The following ESR2 variants were observed in gnomAD, a reference collection of about 807,000 sequenced individuals.
The protein encoded by ESR2 is estrogen receptor beta.
A neutral mutation model predicts 49.6 loss-of-function variants in ESR2; 36 were observed. The ratio of observed to expected loss-of-function variants is 0.73; its 90% CI spans 0.56 to 0.96. ESR2 has a LOEUF of 0.96. ESR2 is among the 40% of genes least tolerant of loss of function. ESR2 has a pLI of 0.00. For missense variants in ESR2, 714 were observed against 693.0 expected (o/e 1.03, Z -0.34); for synonymous variants, 320 against 266.1 (o/e 1.20, Z -1.97).
intron 1 of ESR2, among the ~76,000 whole-genome samples, chr14:64,335,145 T>C (rs1454922947): frequency 1.3e-5 from 2 of 152,200 alleles, no homozygotes; most frequent in Non-Finnish European, 2.9e-5. Flanking sequence ...AATGAAATAA[T>C]TTTAGATAAT....
At chr14:64,319,348 G>A (rs1429038543) in intron 1 of ESR2, among the ~76,000 whole-genome samples, 1 of 151,996 alleles carries the variant, frequency 6.6e-6, no homozygotes, top group Non-Finnish European at 1.5e-5. Context: ...AGGAGAAAAT[G>A]TAAGTGACCT....
At chr14:64,247,345 AAAC>A (rs2075884189) in intron 7 of ESR2, among the ~76,000 whole-genome samples, 1 of 151,920 alleles carries the variant, frequency 6.6e-6, no homozygotes, top group African/African-American at 2.4e-5. Context: ...ACAAACAAAC[AAAC>A]AAAAAAACTA....
chr14:64,316,165 A>G (rs1179935160), intron 1 of ESR2, among the ~76,000 whole-genome samples: 1 of 150,124 alleles, frequency 6.7e-6, no homozygotes, highest in South Asian at 2.1e-4. Flanking sequence ...ACATGCCACC[A>G]TGCCCAGCTA....
intron 7 of ESR2, among the ~76,000 whole-genome samples, chr14:64,236,439 CG>C (rs1296835011): frequency 2.6e-5 from 4 of 152,116 alleles, no homozygotes; most frequent in Non-Finnish European, 5.9e-5. Context: ...CCCTTGGCCC[CG>C]TGTGTCCCCT....
At chr14:64,260,189 C>A (rs764846517) in intron 5 of ESR2, 5 of 718,908 alleles carry the variant, frequency 7.0e-6, no homozygotes, top group African/African-American at 6.9e-5. Flanking sequence ...GGGCCACGCA[C>A]AACTCTTTCT....
Position 64,233,210 on chromosome 14 carries a change from A to T in ESR2, c.1520T>A (p.Ile507Asn). 1 of 1,614,138 alleles carries T rather than the reference A, an allele frequency of 6.2e-7. No individual in the cohort carries two copies. Among genetic ancestry groups the T allele is most frequent in the Non-Finnish European group, 8.5e-7 (1 of 1,180,018 alleles). ...AHVLRGCKSSITGSECSPAED... is the reference protein window; with the variant it reads ...AHVLRGCKSSNTGSECSPAED... ...TGCCGGGCTGCACTCGGACCCCGTG[A>T]TGGAGGACTTGCACCCGCGAAGCAC... Residue 507 changes from isoleucine (I) to asparagine (N), a missense_variant, in exon 9 of 9, where the codon ATC becomes AAC. Physicochemically the swap from Ile to Asn is moderately radical, Grantham distance 149. Transcript: ENST00000341099.
chr14:64,289,825 C>T (rs2076842771), intron 1 of ESR2, among the ~76,000 whole-genome samples: 1 of 152,150 alleles, frequency 6.6e-6, no homozygotes, highest in South Asian at 2.1e-4. Flanking sequence ...CTCAAGCTTG[C>T]AGACTAGGAG....
At chr14:64,311,250 C>T (rs2077184755) in intron 1 of ESR2, among the ~76,000 whole-genome samples, 1 of 152,152 alleles carries the variant, frequency 6.6e-6, no homozygotes, top group Non-Finnish European at 1.5e-5. Context: ...TATTACTTTA[C>T]AAAACTCTAA....
upstream of ESR2, among the ~76,000 whole-genome samples, chr14:64,294,742 C>T (rs1231710854): frequency 1.3e-5 from 2 of 152,198 alleles, no homozygotes; most frequent in Non-Finnish European, 2.9e-5. Flanking sequence ...ATGTCTGATT[C>T]TAAGGAGCCA....
At chr14:64,317,982 C>T (rs953210324) in intron 1 of ESR2, among the ~76,000 whole-genome samples, 1 of 151,860 alleles carries the variant, frequency 6.6e-6, no homozygotes, top group Non-Finnish European at 1.5e-5. Flanking sequence ...CAGTACAATG[C>T]TAGAAGATCT....
intron 3 of ESR2, among the ~76,000 whole-genome samples, chr14:64,270,181 G>T (rs923104518): frequency 1.3e-5 from 2 of 152,124 alleles, no homozygotes; most frequent in Non-Finnish European, 2.9e-5. Context: ...TAAATGAAAT[G>T]AGCAAGTCAT....
intron 6 of ESR2, among the ~76,000 whole-genome samples, chr14:64,253,817 C>T (rs1001105367): frequency 2.6e-5 from 4 of 152,094 alleles, no homozygotes; most frequent in Non-Finnish European, 4.4e-5. Context: ...TACAATTCCA[C>T]GGACCTATCT....
chr14:64,277,950 A>C lies in ESR2; in HGVS notation c.535+2031T>G, dbSNP rs373132333. 9.6e-5 allele frequency among the ~76,000 whole-genome samples: 14 copies of C among 146,272 alleles called. No homozygotes were observed. In the East Asian group the frequency reaches 2.2e-3, roughly 23 times the overall value. ...TAGTCTCAGGGGTCAAAGATGTTTCAAGCAGACCAATGTTTCCCCAAAAGC... is the reference window on the plus strand; with the variant it reads ...TAGTCTCAGGGGTCAAAGATGTTTCCAGCAGACCAATGTTTCCCCAAAAGC... On this transcript the variant is annotated intron_variant, in intron 3 of 8. Transcript: ENST00000341099.
chr14:64,293,756 G>A (rs1373236232), intron 1 of ESR2, among the ~76,000 whole-genome samples: 1 of 152,148 alleles, frequency 6.6e-6, no homozygotes, highest in African/African-American at 2.4e-5. Context: ...AGTCCATCGA[G>A]GAAAACCATA....
At chr14:64,253,556 CTATTTG>C (rs2076031012) in intron 6 of ESR2, among the ~76,000 whole-genome samples, 1 of 115,684 alleles carries the variant, frequency 8.6e-6, no homozygotes, top group Non-Finnish European at 1.9e-5. Flanking sequence ...TAGGGGTACA[CTATTTG>C]TGTGTGTGTG....
At chr14:64,262,041 C>T (rs1328133124) in intron 4 of ESR2, among the ~76,000 whole-genome samples, 1 of 152,016 alleles carries the variant, frequency 6.6e-6, no homozygotes, top group Non-Finnish European at 1.5e-5. Flanking sequence ...TCTAACTAAA[C>T]CATCTCGCTT....
rs1275747157 is a variant in ESR2 at position 64,230,683 on chromosome 14, A to G, written c.*2454T>C. ...TCCTGGTGGGCAGTCACTATGAGACAGGCCTGACAGAGGGGTGCTGTGAGA... is the reference window on the plus strand; with the variant it reads ...TCCTGGTGGGCAGTCACTATGAGACGGGCCTGACAGAGGGGTGCTGTGAGA... On this transcript the variant is annotated 3_prime_UTR_variant, in exon 9 of 9. Transcript: ENST00000341099. Among the ~76,000 whole-genome samples the G allele has an allele frequency of 6.6e-6, 1 of 151,886 alleles. No homozygotes were observed. Among genetic ancestry groups the G allele is most frequent in the Non-Finnish European group, 1.5e-5 (1 of 67,984 alleles).
At chr14:64,317,812 TA>T (rs1237441830) in intron 1 of ESR2, among the ~76,000 whole-genome samples, 1 of 152,110 alleles carries the variant, frequency 6.6e-6, no homozygotes, top group East Asian at 1.9e-4. Flanking sequence ...ACACCACTCA[TA>T]AAAATAAACT....
Position 64,282,622 on chromosome 14 carries a change from A to G in ESR2, c.362+2T>C, listed in dbSNP as rs145136385. On this transcript the variant is annotated splice_donor_variant, in intron 2 of 8. Coordinates refer to ENST00000341099, the MANE Select transcript of ESR2 (RefSeq NM_001437.3). LOFTEE classifies it high-confidence loss of function. ...ATAATTCAGAATGAAGACTGGACTT[A>G]CCTGTTTACAGGTAAGGTGTGTTCT... 2.4e-4 allele frequency: 381 copies of G among 1,590,254 alleles called. No homozygotes were observed. Among genetic ancestry groups the G allele is most frequent in the Non-Finnish European group, 3.2e-4 (371 of 1,162,708 alleles).
Sources: allele counts gnomAD v4.1 joint callset (sites outside exome capture counted in the v4.1 genomes callset), GRCh38; gene constraint gnomAD v4.1.1; transcripts MANE v1.5; gene names NCBI Gene and HGNC (gene_info 2026-07-23, HGNC 2026-07-21).